PRKCA: variants seen among roughly 807,000 people sequenced by gnomAD.
The protein encoded by PRKCA is protein kinase C alpha type.
Under a neutral mutation model 87.0 loss-of-function variants are expected in PRKCA, and 27 were observed. That is an observed-to-expected ratio of 0.31 (90% CI 0.23 to 0.43). The LOEUF (loss-of-function observed/expected upper bound fraction) is 0.43, where lower values mean the gene tolerates loss of function less well. Ranked by LOEUF, PRKCA falls within the 20% of genes least tolerant of loss-of-function variation. PRKCA has a pLI of 1.00. For synonymous variants in PRKCA, 329 were observed against 311.1 expected, an observed-to-expected ratio of 1.06 and a Z score of -0.61; for missense variants, 518 against 852.3, an observed-to-expected ratio of 0.61 and a Z score of 4.88.
At chr17:66,609,279 G>A (rs185438961) in intron 3 of PRKCA, among the ~76,000 whole-genome samples, 4 of 152,156 alleles carry the variant, frequency 2.6e-5, no homozygotes, top group African/African-American at 9.6e-5. Flanking sequence ...GTAGCTATTG[G>A]CTTTTCAAAC....
At chr17:66,726,750 G>A (rs1373816650) in intron 8 of PRKCA, among the ~76,000 whole-genome samples, 20 of 151,528 alleles carry the variant, frequency 1.3e-4, no homozygotes, top group Admixed American at 2.0e-4. Flanking sequence ...TTCGAGACAG[G>A]GTCTCACTCT....
intron 2 of PRKCA, among the ~76,000 whole-genome samples, chr17:66,429,702 C>G (rs1301522300): frequency 6.6e-6 from 1 of 152,122 alleles, no homozygotes; most frequent in African/African-American, 2.4e-5. Flanking sequence ...CCTCACTGCC[C>G]TATCCTCCCT....
At chr17:66,361,630 C>T (rs1908398928) in intron 2 of PRKCA, among the ~76,000 whole-genome samples, 1 of 152,054 alleles carries the variant, frequency 6.6e-6, no homozygotes, top group Non-Finnish European at 1.5e-5. Flanking sequence ...ATTTTATTTT[C>T]CTCCAACAGC....
intron 8 of PRKCA, among the ~76,000 whole-genome samples, chr17:66,725,336 C>CT (rs1204876654): frequency 6.6e-6 from 1 of 152,200 alleles, no homozygotes; most frequent in Non-Finnish European, 1.5e-5. Flanking sequence ...AAGTTGGCCT[C>CT]TGTCAGTTCT....
intron 3 of PRKCA, among the ~76,000 whole-genome samples, chr17:66,517,366 T>C (rs1967001504): frequency 6.6e-6 from 1 of 152,154 alleles, no homozygotes; most frequent in African/African-American, 2.4e-5. Context: ...TTTCTTCCCC[T>C]CCTCGCCCCC....
At chr17:66,645,954 G>A (rs1272969490) in intron 5 of PRKCA, among the ~76,000 whole-genome samples, 2 of 152,228 alleles carry the variant, frequency 1.3e-5, no homozygotes, top group Non-Finnish European at 2.9e-5. Flanking sequence ...GATAGCAACA[G>A]CCGTTGAGTG....
chr17:66,376,899 G>A (rs1054224045), intron 2 of PRKCA, among the ~76,000 whole-genome samples: 6 of 152,108 alleles, frequency 3.9e-5, no homozygotes, highest in African/African-American at 1.2e-4. Context: ...CCTCTCTGCT[G>A]GTTTCAAGTG....
At chr17:66,395,675 T>G (rs939335839) in intron 2 of PRKCA, among the ~76,000 whole-genome samples, 18 of 152,230 alleles carry the variant, frequency 1.2e-4, no homozygotes, top group African/African-American at 4.3e-4. Flanking sequence ...GCTAATGTGC[T>G]CATACATCAA....
In PRKCA at chr17:66,675,440, G is replaced by A. The variant is rs367709347; in HGVS notation, c.530-11671G>A. Among the ~76,000 whole-genome samples, 3 of 152,274 alleles carry A rather than the reference G, an allele frequency of 2.0e-5. No homozygotes were observed. In the East Asian group the frequency reaches 5.8e-4, roughly 29 times the overall value. On this transcript the variant is annotated intron_variant, in intron 5 of 16. Coordinates refer to ENST00000413366, the MANE Select transcript of PRKCA (RefSeq NM_002737.3). The stretch of plus-strand genomic sequence containing the variant: ...CACAGAGCTCTTCCCATCCCCAGCC[G>A]AAGTAGGAATGACCCAGAGGAAGGC...
At chr17:66,592,343 C>CA (rs71160581) in intron 3 of PRKCA, among the ~76,000 whole-genome samples, 1,067 of 82,322 alleles carry the variant, frequency 0.013, 29 homozygotes, top group Non-Finnish European at 0.015. Flanking sequence ...TGATCCGTCT[C>CA]AAAAAAAAAA....
intron 3 of PRKCA, among the ~76,000 whole-genome samples, chr17:66,555,661 A>G (rs1968471432): frequency 1.3e-5 from 2 of 152,174 alleles, no homozygotes; most frequent in Non-Finnish European, 2.9e-5. Context: ...CTACTGGAAA[A>G]CAACTCCACC....
At chr17:66,531,789 G>C (rs1209404232) in intron 3 of PRKCA, among the ~76,000 whole-genome samples, 1 of 152,198 alleles carries the variant, frequency 6.6e-6, no homozygotes, top group Non-Finnish European at 1.5e-5. Context: ...ATGGATGCCA[G>C]ACATTGTGGA....
At chr17:66,700,429 A>G (rs1973032225) in intron 8 of PRKCA, among the ~76,000 whole-genome samples, 1 of 152,156 alleles carries the variant, frequency 6.6e-6, no homozygotes. Flanking sequence ...CTTCTATTCA[A>G]CATAGTCCTG....
At chr17:66,519,871 T>C (rs187811668) in intron 3 of PRKCA, among the ~76,000 whole-genome samples, 1 of 152,322 alleles carries the variant, frequency 6.6e-6, no homozygotes, top group Admixed American at 6.5e-5. Flanking sequence ...ACTATGTTTC[T>C]GGGGCCAAGA....
intron 14 of PRKCA, among the ~76,000 whole-genome samples, chr17:66,783,878 A>G (rs1333379818): frequency 1.3e-5 from 2 of 152,288 alleles, no homozygotes; most frequent in East Asian, 3.9e-4. Flanking sequence ...CGCCTTTGTC[A>G]CTGCCCAACA....
chr17:66,524,710 C>T (rs1401717640), intron 3 of PRKCA, among the ~76,000 whole-genome samples: 1 of 152,174 alleles, frequency 6.6e-6, no homozygotes, highest in Non-Finnish European at 1.5e-5. Context: ...TCTCTGTGCT[C>T]ACAGAGCTTA....
intron 2 of PRKCA, among the ~76,000 whole-genome samples, chr17:66,341,818 G>A (rs949692739): frequency 2.0e-5 from 3 of 152,112 alleles, no homozygotes; most frequent in African/African-American, 7.2e-5. Flanking sequence ...GCATGTTACT[G>A]TAAACATTTA....
rs571091148 is a variant in PRKCA, at chr17:66,581,566, C to T, written c.289-59789C>T. Among the ~76,000 whole-genome samples, 11 of 152,316 alleles carry T rather than the reference C, an allele frequency of 7.2e-5. No homozygotes were observed. In the South Asian group the frequency reaches 2.1e-3, roughly 29 times the overall value. On this transcript the variant is annotated intron_variant, in intron 3 of 16. Transcript: ENST00000413366. ...TCTTGGCTCACTGCACCCTCTGCCT[C>T]CTGGGTTCATGCCATTCTCCTGCCT...
chr17:66,745,711 C>T (rs1282104034), intron 13 of PRKCA, among the ~76,000 whole-genome samples: 1 of 152,054 alleles, frequency 6.6e-6, no homozygotes, highest in Non-Finnish European at 1.5e-5. Context: ...ATACAATAAA[C>T]CTTCTCTCAT....
Sources: gnomAD v4.1 joint callset for allele counts (sites outside exome capture counted in the v4.1 genomes callset) on GRCh38, gnomAD v4.1.1 for gene constraint, MANE v1.5 for transcripts, NCBI Gene and HGNC (gene_info 2026-07-23, HGNC 2026-07-21) for gene names.